SLCO1B1: variants seen among roughly 807,000 people sequenced by gnomAD.
SLCO1B1 encodes the protein solute carrier organic anion transporter family member 1B1, also known as OATP-2.
In SLCO1B1, 81 loss-of-function variants were observed where a neutral mutation model predicts 70.1. The observed-to-expected ratio is 1.16, with a 90% confidence interval of 0.97 to 1.39. The LOEUF is 1.39. Ranked by LOEUF, SLCO1B1 falls within the 40% of genes most tolerant of loss-of-function variation. The probability of loss-of-function intolerance (pLI) is 0.00; values close to 1 mark genes in which losing one functional copy is unlikely to be tolerated. For missense variants in SLCO1B1, 895 were observed against 799.6 expected (o/e 1.12, Z -1.44); for synonymous variants, 283 against 271.5 (o/e 1.04, Z -0.42).
chr12:21,178,844 C>T, intron 6 of SLCO1B1, 78 bp from the exon 7 acceptor site: 1 of 1,367,190 alleles, frequency 7.3e-7, no homozygotes, highest in Non-Finnish European at 1.0e-6. Flanking sequence ...TGTATTGTAT[C>T]ATATTTCTTT....
chr12:21,191,626 T>A (rs139605592), intron 7 of SLCO1B1, among the ~76,000 whole-genome samples: 1 of 152,242 alleles, frequency 6.6e-6, no homozygotes, highest in African/African-American at 2.4e-5. Flanking sequence ...GTCTTTTATT[T>A]CTTTTTCTTG....
rs938688522 is a variant in SLCO1B1, at chr12:21,134,096, A to G, written c.-62+2860A>G. Among the ~76,000 whole-genome samples, 13 of 152,036 alleles carry G rather than the reference A, an allele frequency of 8.6e-5. No homozygotes were observed. The South Asian group carries it at 1.7e-3, about 19-fold the overall frequency. On this transcript the variant is annotated intron_variant, in intron 1 of 14. Coordinates refer to ENST00000256958, the MANE Select transcript of SLCO1B1 (RefSeq NM_006446.5). Reference sequence around the variant, plus strand: ...TCTGCATCTATTGAGATGATCATGTAGTTTTTGTCTTTGGTTCTGTTTATA... The same window carrying G: ...TCTGCATCTATTGAGATGATCATGTGGTTTTTGTCTTTGGTTCTGTTTATA...
intron 14 of SLCO1B1, among the ~76,000 whole-genome samples, chr12:21,227,840 T>C (rs935200021): frequency 6.6e-6 from 1 of 152,112 alleles, no homozygotes; most frequent in African/African-American, 2.4e-5. Context: ...TCCTTTTTGT[T>C]CAGTGAAGGT....
chr12:21,133,814 T>C (rs1428109550), intron 1 of SLCO1B1, among the ~76,000 whole-genome samples: 1 of 152,170 alleles, frequency 6.6e-6, no homozygotes, highest in Non-Finnish European at 1.5e-5. Context: ...CCTAATTGAA[T>C]ACCCTTTATT....
chr12:21,167,340 G>A (rs1465764064), intron 2 of SLCO1B1, among the ~76,000 whole-genome samples: 1 of 152,166 alleles, frequency 6.6e-6, no homozygotes, highest in South Asian at 2.1e-4. Context: ...CAGTGAGAGA[G>A]GAATGGGGGA....
In SLCO1B1 at chr12:21,209,714, G is replaced by A. The variant is rs1422277838; in HGVS notation, c.1497+3681G>A. On this transcript the variant is annotated intron_variant, in intron 11 of 14. Coordinates refer to ENST00000256958, the MANE Select transcript of SLCO1B1 (RefSeq NM_006446.5). Reference sequence around the variant, plus strand: ...TTCCTATTTCTCCACATCCTCTCCAGCACCTGTTGTTTCCTGACTTTTTAA... The same window carrying A: ...TTCCTATTTCTCCACATCCTCTCCAACACCTGTTGTTTCCTGACTTTTTAA... 2.4e-3 allele frequency among the ~76,000 whole-genome samples: 366 copies of A among 151,182 alleles called. 1 individual carries two copies. The highest frequency in any genetic ancestry group is 8.6e-3 in the African/African-American group (354 of 41,366).
At chr12:21,230,331 T>TA (rs1410285798) in intron 14 of SLCO1B1, among the ~76,000 whole-genome samples, 2 of 142,348 alleles carry the variant, frequency 1.4e-5, no homozygotes, top group African/African-American at 5.4e-5. Flanking sequence ...TTCTTTTTTT[T>TA]TTTTTTTTTT....
chr12:21,169,544 T>C (rs1940732615), intron 2 of SLCO1B1, among the ~76,000 whole-genome samples: 2 of 152,274 alleles, frequency 1.3e-5, no homozygotes, highest in East Asian at 1.9e-4. Flanking sequence ...ACTTTATAAT[T>C]CAACTCCAGA....
intron 1 of SLCO1B1, among the ~76,000 whole-genome samples, chr12:21,134,539 A>C (rs181579278): frequency 3.3e-5 from 5 of 151,966 alleles, no homozygotes; most frequent in Non-Finnish European, 7.4e-5. Flanking sequence ...CAGAGATGCA[A>C]CTTCTTCCTG....
chr12:21,220,049 C>G (rs543500302), intron 12 of SLCO1B1, among the ~76,000 whole-genome samples: 2 of 152,190 alleles, frequency 1.3e-5, no homozygotes, highest in Middle Eastern at 3.2e-3. Flanking sequence ...GCCTGAGCCA[C>G]AGCACCTGGC....
intron 7 of SLCO1B1, among the ~76,000 whole-genome samples, chr12:21,181,565 ATAGAT>A (rs1180150561): frequency 6.6e-6 from 1 of 152,170 alleles, no homozygotes; most frequent in Non-Finnish European, 1.5e-5. Context: ...GAGTTTTCTT[ATAGAT>A]TAGAGTAATG....
At chr12:21,159,039 A>G (rs886228722) in intron 2 of SLCO1B1, among the ~76,000 whole-genome samples, 1 of 152,160 alleles carries the variant, frequency 6.6e-6, no homozygotes, top group Non-Finnish European at 1.5e-5. Flanking sequence ...GTACTTGCCA[A>G]CATTTACATA....
At chr12:21,223,904 T>C (rs530476670) in intron 13 of SLCO1B1, among the ~76,000 whole-genome samples, 2 of 152,274 alleles carry the variant, frequency 1.3e-5, no homozygotes, top group East Asian at 1.9e-4. Flanking sequence ...TGGACACTTA[T>C]TATATAAACA....
intron 2 of SLCO1B1, among the ~76,000 whole-genome samples, chr12:21,170,994 G>A (rs986712098): frequency 1.3e-5 from 2 of 152,128 alleles, no homozygotes; most frequent in South Asian, 2.1e-4. Flanking sequence ...CTAATCACTG[G>A]GGACGGAGCA....
chr12:21,165,403 G>A (rs1940672115), intron 2 of SLCO1B1, among the ~76,000 whole-genome samples: 1 of 152,032 alleles, frequency 6.6e-6, no homozygotes, highest in South Asian at 2.1e-4. Flanking sequence ...TATTTAGGGA[G>A]CCACACATAT....
At chr12:21,179,832 C>T (rs1345076880) in intron 7 of SLCO1B1, among the ~76,000 whole-genome samples, 1 of 152,062 alleles carries the variant, frequency 6.6e-6, no homozygotes, top group Non-Finnish European at 1.5e-5. Context: ...AAGTATTTCC[C>T]ATCTTTATAT....
At chr12:21,195,747 A>C (rs925255590) in intron 7 of SLCO1B1, among the ~76,000 whole-genome samples, 2 of 152,138 alleles carry the variant, frequency 1.3e-5, no homozygotes, top group Admixed American at 6.6e-5. Context: ...AGCTATGGGA[A>C]TGCTTACATA....
At chr12:21,160,972 G>A (rs556797831) in intron 2 of SLCO1B1, among the ~76,000 whole-genome samples, 3 of 151,868 alleles carry the variant, frequency 2.0e-5, no homozygotes, top group Non-Finnish European at 2.9e-5. Flanking sequence ...ATTATCTCAC[G>A]CTAGTCAGAT....
At chr12:21,141,419 A>G in intron 1 of SLCO1B1, 95 bp from the exon 2 acceptor site, 1 of 522,748 alleles carries the variant, frequency 1.9e-6, no homozygotes, top group Non-Finnish European at 3.5e-6. Context: ...ATGTTAGTGA[A>G]TGGTTGATTG....
Sources: allele counts gnomAD v4.1 joint callset (sites outside exome capture counted in the v4.1 genomes callset), GRCh38; gene constraint gnomAD v4.1.1; transcripts MANE v1.5; gene names NCBI Gene and HGNC (gene_info 2026-07-23, HGNC 2026-07-21).